The following TMEM132D variants were observed in gnomAD, a reference collection of about 807,000 sequenced individuals.
TMEM132D encodes mature OL transmembrane protein.
A neutral mutation model predicts 62.3 loss-of-function variants in TMEM132D; 21 were observed. The ratio of observed to expected loss-of-function variants is 0.34; its 90% CI spans 0.24 to 0.49. The LOEUF (loss-of-function observed/expected upper bound fraction) is 0.49. Ranked by LOEUF, TMEM132D falls within the 20% of genes least tolerant of loss-of-function variation. The pLI, the probability that TMEM132D is intolerant of heterozygous loss-of-function variation, is 0.99. For synonymous variants in TMEM132D, 621 were observed against 575.6 expected (o/e 1.08, Z -1.13); for missense variants, 1,346 against 1,402.8 (o/e 0.96, Z 0.65).
intron 2 of TMEM132D, among the ~76,000 whole-genome samples, chr12:129,540,377 A>C (rs998557741): frequency 6.6e-6 from 1 of 152,202 alleles, no homozygotes; most frequent in Non-Finnish European, 1.5e-5. Flanking sequence ...ACTACTCAAA[A>C]TAAGTAAATA....
intron 1 of TMEM132D, among the ~76,000 whole-genome samples, chr12:129,777,238 C>T (rs1045914253): frequency 5.3e-5 from 8 of 152,272 alleles, no homozygotes; most frequent in African/African-American, 1.2e-4. Context: ...CAGGAGGTGC[C>T]GAGAATTAGG....
intron 3 of TMEM132D, among the ~76,000 whole-genome samples, chr12:129,491,120 C>T (rs1173582782): frequency 1.3e-5 from 2 of 152,148 alleles, no homozygotes; most frequent in Non-Finnish European, 2.9e-5. Flanking sequence ...ATTTTCCCTT[C>T]TGGTACCATC....
At chr12:129,570,927 G>A (rs1233065267) in intron 2 of TMEM132D, among the ~76,000 whole-genome samples, 3 of 152,154 alleles carry the variant, frequency 2.0e-5, no homozygotes, top group Non-Finnish European at 4.4e-5. Context: ...CTGTGGCTGG[G>A]AGATCATGTT....
chr12:129,465,456 G>T (rs1873855177), intron 3 of TMEM132D, among the ~76,000 whole-genome samples: 2 of 152,148 alleles, frequency 1.3e-5, no homozygotes, highest in Admixed American at 6.5e-5. Context: ...GGGCAATTAG[G>T]CAGGAGAAGG....
intron 2 of TMEM132D, among the ~76,000 whole-genome samples, chr12:129,576,788 T>G (rs753390638): frequency 6.6e-6 from 1 of 151,918 alleles, no homozygotes; most frequent in Non-Finnish European, 1.5e-5. Flanking sequence ...TAACATATTT[T>G]GTATGTTATA....
chr12:129,570,979 AG>A (rs1326617666), intron 2 of TMEM132D, among the ~76,000 whole-genome samples: 4 of 152,198 alleles, frequency 2.6e-5, no homozygotes, highest in African/African-American at 4.8e-5. Flanking sequence ...GCAGAAGCCA[AG>A]GGTGGCTGTG....
At chr12:129,724,516 T>G (rs978881723) in intron 1 of TMEM132D, among the ~76,000 whole-genome samples, 2 of 152,192 alleles carry the variant, frequency 1.3e-5, no homozygotes, top group African/African-American at 2.4e-5. Flanking sequence ...TTTTGTTTTT[T>G]GTTTCTGTTT....
At chr12:129,175,324 T>C (rs1877873510) in intron 5 of TMEM132D, among the ~76,000 whole-genome samples, 1 of 152,192 alleles carries the variant, frequency 6.6e-6, no homozygotes. Context: ...ATGTGGTACA[T>C]TGCAGTAAAG....
At chr12:129,671,013 A>C (rs1771251809) in intron 2 of TMEM132D, among the ~76,000 whole-genome samples, 1 of 152,360 alleles carries the variant, frequency 6.6e-6, no homozygotes, top group African/African-American at 2.4e-5. Flanking sequence ...TTTGTTAAAA[A>C]ATCTTGGAAA....
At chr12:129,896,138 T>C (rs1875117838) in intron 1 of TMEM132D, among the ~76,000 whole-genome samples, 1 of 128,842 alleles carries the variant, frequency 7.8e-6, no homozygotes, top group South Asian at 2.3e-4. Flanking sequence ...CCTGGCTCAT[T>C]TTTTTTGTTT....
intron 4 of TMEM132D, among the ~76,000 whole-genome samples, chr12:129,245,264 C>A (rs148785524): frequency 1.3e-5 from 2 of 152,156 alleles, no homozygotes; most frequent in Non-Finnish European, 2.9e-5. Context: ...TTATCTCCAC[C>A]GTTTTATCTT....
intron 1 of TMEM132D, among the ~76,000 whole-genome samples, chr12:129,756,052 T>C (rs1450153292): frequency 6.6e-6 from 1 of 152,178 alleles, no homozygotes; most frequent in Non-Finnish European, 1.5e-5. Flanking sequence ...GTATGATTCT[T>C]TTCATAGGAG....
At chr12:129,839,419 C>A in intron 1 of TMEM132D, among the ~76,000 whole-genome samples, 1 of 151,762 alleles carries the variant, frequency 6.6e-6, no homozygotes, top group African/African-American at 2.4e-5. Context: ...AGCCACCGTA[C>A]CCGGCCCTAA....
intron 4 of TMEM132D, among the ~76,000 whole-genome samples, chr12:129,285,296 A>G (rs892580554): frequency 2.0e-5 from 3 of 151,378 alleles, no homozygotes; most frequent in Non-Finnish European, 4.4e-5. Context: ...AAGTAGGTGG[A>G]TTGCTTGGGG....
chr12:129,087,915 CCTCCCTG>C (rs1874683826), intron 5 of TMEM132D, among the ~76,000 whole-genome samples: 2 of 128,748 alleles, frequency 1.6e-5, no homozygotes, highest in African/African-American at 6.3e-5. Flanking sequence ...ACCGGGGTGT[CCTCCCTG>C]ACCGGGTGTC....
At chr12:129,196,636 G>A (rs1878559470) in intron 5 of TMEM132D, among the ~76,000 whole-genome samples, 1 of 152,098 alleles carries the variant, frequency 6.6e-6, no homozygotes, top group Admixed American at 6.5e-5. Flanking sequence ...TGCTGATGCT[G>A]TTCTAGACTA....
chr12:129,363,550 T>G (rs1870317133), intron 3 of TMEM132D, among the ~76,000 whole-genome samples: 1 of 152,250 alleles, frequency 6.6e-6, no homozygotes, highest in South Asian at 2.1e-4. Context: ...CTCAGATGTT[T>G]GATTCTTTTG....
chr12:129,493,239 C>G (rs1258686640), intron 3 of TMEM132D, among the ~76,000 whole-genome samples: 1 of 152,218 alleles, frequency 6.6e-6, no homozygotes, highest in Admixed American at 6.5e-5. Context: ...TATTTGCTTA[C>G]AGCTACCATT....
chr12:129,524,706 T>G (rs1401402567), intron 3 of TMEM132D, among the ~76,000 whole-genome samples: 2 of 151,884 alleles, frequency 1.3e-5, no homozygotes, highest in East Asian at 4.0e-4. Flanking sequence ...AGCCAGATAC[T>G]GACAAATATA....
Sources: gnomAD v4.1 joint callset for allele counts (sites outside exome capture counted in the v4.1 genomes callset) on GRCh38, gnomAD v4.1.1 for gene constraint, MANE v1.5 for transcripts, NCBI Gene and HGNC (gene_info 2026-07-23, HGNC 2026-07-21) for gene names.